The following PRKN variants were observed in gnomAD, a reference collection of about 807,000 sequenced individuals.
The protein encoded by PRKN is parkin RBR E3 ubiquitin protein ligase.
Under a neutral mutation model 59.5 loss-of-function variants are expected in PRKN, and 56 were observed. That is an observed-to-expected ratio of 0.94 (90% confidence interval 0.76 to 1.18). The LOEUF is 1.18. Among genes scored for constraint, PRKN ranks in the 50% most tolerant of loss-of-function variants. The pLI, the probability that PRKN is intolerant of heterozygous loss-of-function variation, is 0.00. For synonymous variants in PRKN, 250 were observed against 222.1 expected (o/e 1.13, Z -1.12); for missense variants, 657 against 596.4 (o/e 1.10, Z -1.06).
intron 1 of PRKN, among the ~76,000 whole-genome samples, chr6:162,720,438 C>CTTTTTT (rs148313968): frequency 1.1e-5 from 1 of 90,106 alleles, no homozygotes; most frequent in Non-Finnish European, 2.1e-5. Context: ...CATAGATGGT[C>CTTTTTT]TTTTTTTTTT....
intron 1 of PRKN, among the ~76,000 whole-genome samples, chr6:162,700,336 A>T (rs2128236627): frequency 6.6e-6 from 1 of 152,346 alleles, no homozygotes; most frequent in African/African-American, 2.4e-5. Flanking sequence ...ATGATCTGAG[A>T]AGAAAAGAGA....
At chr6:161,570,880 A>T (rs1264918517) in intron 7 of PRKN, among the ~76,000 whole-genome samples, 2 of 152,210 alleles carry the variant, frequency 1.3e-5, no homozygotes, top group Non-Finnish European at 2.9e-5. Context: ...AATATCATTT[A>T]AAATGTGTTG....
intron 3 of PRKN, among the ~76,000 whole-genome samples, chr6:162,221,926 C>T (rs1031973581): frequency 1.3e-5 from 2 of 152,104 alleles, no homozygotes; most frequent in African/African-American, 4.8e-5. Flanking sequence ...AATTCAGACA[C>T]TAATTCAATC....
At position 161,935,595 on chromosome 6, in the gene PRKN, C is replaced by T. The variant is rs376445639; in HGVS notation, c.734+37707G>A. Reference sequence around the variant, plus strand: ...AAGAAGAAGAAGAAGAAGGATAAGACGTGAGTATGAAAAGAGTCCCTATCA... The same window carrying T: ...AAGAAGAAGAAGAAGAAGGATAAGATGTGAGTATGAAAAGAGTCCCTATCA... On this transcript the variant is annotated intron_variant, in intron 6 of 11. Coordinates refer to ENST00000366898, the MANE Select transcript of PRKN (RefSeq NM_004562.3). Among the ~76,000 whole-genome samples the T allele has an allele frequency of 1.3e-4, 20 of 149,936 alleles. No individual in the cohort carries two copies. The East Asian group carries it at 2.3e-3, about 18-fold the overall frequency.
intron 4 of PRKN, among the ~76,000 whole-genome samples, chr6:162,121,995 G>C (rs1338172119): frequency 1.3e-5 from 2 of 152,164 alleles, no homozygotes; most frequent in Non-Finnish European, 2.9e-5. Context: ...AAGGGGCTTG[G>C]AAAGAATGGG....
rs190731320 is a variant in PRKN, at chr6:161,435,634, T to C, written c.1084-48757A>G. On this transcript the variant is annotated intron_variant, in intron 9 of 11. Coordinates refer to ENST00000366898, the MANE Select transcript of PRKN (RefSeq NM_004562.3). ...GGGCCAGCTCAAGGTCACTGATGAA[T>C]CAGGACCCGCTTATCCAGCTCTCTC... 2.1e-3 allele frequency among the ~76,000 whole-genome samples: 320 copies of C among 152,026 alleles called. 2 individuals carry two copies. The highest frequency in any genetic ancestry group is 7.9e-4 in the Non-Finnish European group (54 of 67,994).
chr6:162,575,182 T>C (rs879612565), intron 1 of PRKN, among the ~76,000 whole-genome samples: 4 of 152,186 alleles, frequency 2.6e-5, no homozygotes, highest in Non-Finnish European at 4.4e-5. Flanking sequence ...GCCATGCACC[T>C]GGATCTGCAT....
chr6:162,540,642 A>G (rs1412639267), intron 1 of PRKN, among the ~76,000 whole-genome samples: 1 of 151,828 alleles, frequency 6.6e-6, no homozygotes, highest in East Asian at 2.0e-4. Context: ...CCCCGCCTCT[A>G]CTAAAAATAT....
chr6:161,703,835 CTCTCTTTTTTTTT>C lies in PRKN; in HGVS notation c.871+81924_871+81936del, dbSNP rs1336009256. ...AGGACACACATCTCTCTCTCTCTCT[CTCTCTTTTTTTTT>C]TTTTTTTTTTTTTTTTTTTTTTTTT... is the stretch of plus-strand genomic sequence containing the variant. On this transcript the variant is annotated intron_variant, in intron 7 of 11. Transcript: ENST00000366898. Among the ~76,000 whole-genome samples, 73 of 126,470 alleles carry C rather than the reference CTCTCTTTTTTTTT, an allele frequency of 5.8e-4. 1 individual carries two copies. Among genetic ancestry groups the C allele is most frequent in the Non-Finnish European group, 9.6e-4 (60 of 62,662 alleles). 83.0% of individuals were successfully genotyped at this position (126,470 alleles called of 152,430 possible). A position where few individuals can be genotyped will look rare whatever the true frequency, so the allele number is the denominator to read the frequency against.
intron 11 of PRKN, among the ~76,000 whole-genome samples, chr6:161,350,684 AT>A (rs1290180826): frequency 2.5e-5 from 1 of 40,272 alleles, no homozygotes; most frequent in Non-Finnish European, 3.8e-5. Context: ...AAATATATAT[AT>A]TTTTATATAT....
intron 2 of PRKN, among the ~76,000 whole-genome samples, chr6:162,276,394 T>G (rs893744205): frequency 6.6e-6 from 1 of 152,152 alleles, no homozygotes; most frequent in Non-Finnish European, 1.5e-5. Context: ...GGGATGTACC[T>G]CATTAAAGAT....
chr6:161,491,893 A>C (rs1296517473), intron 9 of PRKN, among the ~76,000 whole-genome samples: 1 of 152,226 alleles, frequency 6.6e-6, no homozygotes. Context: ...CGGCCTCCCA[A>C]AATGCTGGGA....
chr6:161,358,788 C>CTTTTTT lies in PRKN; in HGVS notation c.1285+1294_1285+1299dup, dbSNP rs34428983. 1.7e-3 allele frequency among the ~76,000 whole-genome samples: 118 copies of CTTTTTT among 67,810 alleles called. 4 individuals carry two copies. Among genetic ancestry groups the CTTTTTT allele is most frequent in the Non-Finnish European group, 2.0e-3 (78 of 38,274 alleles). 44.5% of individuals were successfully genotyped at this position (67,810 alleles called of 152,430 possible). A position where few individuals can be genotyped will look rare whatever the true frequency, so the allele number is the denominator to read the frequency against. The stretch of plus-strand genomic sequence containing the variant: ...TTCCATCCCATCAGTGCCTTCTGCT[C>CTTTTTT]TTTTTTTTTTTTTTTTTTTTTTTTG... On this transcript the variant is annotated intron_variant, in intron 11 of 11. Transcript: ENST00000366898.
At chr6:162,393,975 G>GT (rs1787349511) in intron 2 of PRKN, among the ~76,000 whole-genome samples, 1 of 152,076 alleles carries the variant, frequency 6.6e-6, no homozygotes, top group Admixed American at 6.5e-5. Flanking sequence ...ACAAAGCAAA[G>GT]TTTATTTGGA....
chr6:161,562,060 C>T lies in PRKN; in HGVS notation c.933+7295G>A, dbSNP rs920425602. ...GGAAGGCCCGCCTTCTCAGCTTCCCCAACACCATAAATCAGCATTCCTCCT... is the reference window on the plus strand; with the variant it reads ...GGAAGGCCCGCCTTCTCAGCTTCCCTAACACCATAAATCAGCATTCCTCCT... On this transcript the variant is annotated intron_variant, in intron 8 of 11. Coordinates refer to ENST00000366898, the MANE Select transcript of PRKN (RefSeq NM_004562.3). This position sits in a 1 kb window ranked among gnomAD's most constrained non-coding sequence, Gnocchi z 4.3. 1.3e-5 allele frequency among the ~76,000 whole-genome samples: 2 copies of T among 149,526 alleles called. No individual in the cohort carries two copies. Among genetic ancestry groups the T allele is most frequent in the Non-Finnish European group, 3.0e-5 (2 of 67,304 alleles).
chr6:162,285,782 C>G (rs75217733), intron 2 of PRKN, among the ~76,000 whole-genome samples: 1,822 of 152,232 alleles, frequency 0.012, 42 homozygotes, highest in African/African-American at 0.041. Flanking sequence ...ACACTGATTC[C>G]TTTTATCTGA....
At position 162,201,120 on chromosome 6, in the gene PRKN, C is replaced by A; in HGVS notation, c.534+11G>T. On this transcript the variant is annotated intron_variant, in intron 4 of 11. Transcript: ENST00000366898. ...TCCTGGCAGTCTCATGCTGACACTG[C>A]ATTTCCTTACCTGGGTCAAGGTGAG... is the stretch of plus-strand genomic sequence containing the variant. 1 of 1,614,058 alleles carries A rather than the reference C, an allele frequency of 6.2e-7. No homozygotes were observed. The highest frequency in any genetic ancestry group is 1.7e-4 in the Middle Eastern group (1 of 6,058).
intron 1 of PRKN, among the ~76,000 whole-genome samples, chr6:162,494,254 C>T (rs1353987272): frequency 6.6e-6 from 1 of 152,188 alleles, no homozygotes; most frequent in Non-Finnish European, 1.5e-5. Context: ...TGGGCGTTGG[C>T]ATCAGGCAAC....
At chr6:162,078,886 A>AAATT (rs34074796) in intron 4 of PRKN, among the ~76,000 whole-genome samples, 121,677 of 151,484 alleles carry the variant, frequency 0.8, 49,032 homozygotes, top group Admixed American at 0.87. Flanking sequence ...AATAATTAAT[A>AAATT]AATACTTTAA....
Sources: allele counts gnomAD v4.1 joint callset (sites outside exome capture counted in the v4.1 genomes callset), GRCh38; gene constraint gnomAD v4.1.1; non-coding constraint Gnocchi (gnomAD v3.1); transcripts MANE v1.5; gene names NCBI Gene and HGNC (gene_info 2026-07-23, HGNC 2026-07-21).